MMAA: variants seen among roughly 807,000 people sequenced by gnomAD.
MMAA encodes metabolism of cobalamin associated A.
In MMAA, 41 loss-of-function variants were observed where a neutral mutation model predicts 45.0. That is an observed-to-expected ratio of 0.91 (90% CI 0.71 to 1.18). The LOEUF (loss-of-function observed/expected upper bound fraction) is 1.18, where lower values mean the gene tolerates loss of function less well. MMAA is among the 50% of genes most tolerant of loss of function. The pLI, the probability that MMAA is intolerant of heterozygous loss-of-function variation, is 0.00. For synonymous variants in MMAA, 154 were observed against 178.2 expected (o/e 0.86, Z 1.08); for missense variants, 460 against 495.7 (o/e 0.93, Z 0.68).
chr4:145,625,272 C>G, intron 1 of MMAA: 3 of 791,872 alleles, frequency 3.8e-6, no homozygotes, highest in Non-Finnish European at 6.7e-6. Context: ...TTTTCTAAGC[C>G]CTTTAGGTTT....
chr4:145,643,393 T>C (rs1727840579), intron 3 of MMAA, among the ~76,000 whole-genome samples: 1 of 152,150 alleles, frequency 6.6e-6, no homozygotes, highest in Non-Finnish European at 1.5e-5. Context: ...TACAATACAA[T>C]GTGTGTTGTG....
chr4:145,652,215 T>C (rs1048322159), intron 5 of MMAA, among the ~76,000 whole-genome samples: 6 of 152,174 alleles, frequency 3.9e-5, no homozygotes, highest in African/African-American at 1.4e-4. Flanking sequence ...TTGATGTGTA[T>C]CACCAACCAG....
intron 4 of MMAA, 100 bp from the exon 5 acceptor site, chr4:145,650,962 T>G: frequency 5.9e-6 from 6 of 1,009,920 alleles, no homozygotes; most frequent in African/African-American, 1.6e-5. Context: ...TGTGTGACCA[T>G]GAGTATGAGT....
intron 2 of MMAA, among the ~76,000 whole-genome samples, chr4:145,641,651 ATATC>A (rs1449302928): frequency 6.6e-6 from 1 of 152,166 alleles, no homozygotes; most frequent in African/African-American, 2.4e-5. Flanking sequence ...TACTATTACT[ATATC>A]TATTTTATTG....
Position 145,657,759 on chromosome 4 carries a change from C to T in MMAA, c.*2325C>T, listed in dbSNP as rs530499633. ...ACTTAATTTCTCTGTGCCTCAGTTT[C>T]CTCACTATTAAATGGGGATGACAAT... On this transcript the variant is annotated 3_prime_UTR_variant, in exon 7 of 7. Coordinates refer to ENST00000649156, the MANE Select transcript of MMAA (RefSeq NM_172250.3). 2.0e-5 allele frequency: 3 copies of T among 152,292 alleles called. No individual in the cohort carries two copies. In the East Asian group the frequency reaches 5.8e-4, roughly 29 times the overall value. The allele number at this position is 152,292 out of a possible 1,614,324, so 9.4% of individuals were successfully genotyped here.
In MMAA at chr4:145,656,888, A is replaced by T. The variant is rs1728247487; in HGVS notation, c.*1454A>T. The stretch of plus-strand genomic sequence containing the variant: ...TACATTTTTTGGAAAGATTTTTAGT[A>T]CTCCATTGGCATAGCTATTTCATAC... On this transcript the variant is annotated 3_prime_UTR_variant, in exon 7 of 7. Transcript: ENST00000649156. The T allele has an allele frequency of 6.6e-6, 1 of 152,148 alleles. No homozygotes were observed. The highest frequency in any genetic ancestry group is 1.5e-5 in the Non-Finnish European group (1 of 68,014). 9.4% of individuals were successfully genotyped at this position (152,148 alleles called of 1,614,324 possible).
intron 4 of MMAA, among the ~76,000 whole-genome samples, chr4:145,647,449 G>A (rs1328867049): frequency 1.3e-5 from 2 of 152,178 alleles, no homozygotes; most frequent in African/African-American, 4.8e-5. Context: ...CAGATCAACT[G>A]GGGAAAATAT....
intron 3 of MMAA, among the ~76,000 whole-genome samples, chr4:145,642,995 A>T (rs536691721): frequency 6.6e-6 from 1 of 152,242 alleles, no homozygotes; most frequent in South Asian, 2.1e-4. Flanking sequence ...ATATACTGCC[A>T]TTCCCCTTAC....
chr4:145,653,144 A>G (rs1057458210), intron 5 of MMAA, among the ~76,000 whole-genome samples: 1 of 152,158 alleles, frequency 6.6e-6, no homozygotes, highest in Non-Finnish European at 1.5e-5. Flanking sequence ...AAGTGCTGGG[A>G]TTACTGGTGT....
At position 145,624,971 on chromosome 4, in the gene MMAA, CAGTT is replaced by C. The variant is rs757215131; in HGVS notation, c.-66+5565_-66+5568del. The C allele has an allele frequency of 9.3e-5, 98 of 1,058,952 alleles. No homozygotes were observed. The East Asian group carries it at 1.8e-3, about 19-fold the overall frequency. 65.6% of individuals were successfully genotyped at this position (1,058,952 alleles called of 1,614,324 possible). ...CATACCTTTGGGCTGGTTTCCCTGA[CAGTT>C]GGTACAGGAGTCAGTCTTGACAAGC... On this transcript the variant is annotated intron_variant, in intron 1 of 6. Coordinates refer to ENST00000649156, the MANE Select transcript of MMAA (RefSeq NM_172250.3).
intron 1 of MMAA, among the ~76,000 whole-genome samples, chr4:145,626,633 A>G (rs72723808): frequency 0.077 from 11,756 of 152,282 alleles, 569 homozygotes; most frequent in South Asian, 0.15. Flanking sequence ...AGTTGACACC[A>G]TATAAATCTG....
chr4:145,631,804 T>C (rs763246032), intron 1 of MMAA, among the ~76,000 whole-genome samples: 3 of 152,180 alleles, frequency 2.0e-5, no homozygotes, highest in South Asian at 2.1e-4. Flanking sequence ...ATCTGTTGTA[T>C]GTTTTTTGGT....
chr4:145,653,797 A>G (rs1728157028), intron 5 of MMAA, among the ~76,000 whole-genome samples, 197 bp from the exon 6 acceptor site: 1 of 152,232 alleles, frequency 6.6e-6, no homozygotes, highest in Non-Finnish European at 1.5e-5. Context: ...TTTGGAAGAG[A>G]TATTACAGAT....
chr4:145,640,050 T>G (rs1247422057), intron 2 of MMAA, among the ~76,000 whole-genome samples: 1 of 152,164 alleles, frequency 6.6e-6, no homozygotes, highest in East Asian at 1.9e-4. Flanking sequence ...TTTCTCGGAG[T>G]GACTGTAAAC....
At chr4:145,650,306 T>G (rs1358447658) in intron 4 of MMAA, 1 of 152,272 alleles carries the variant, frequency 6.6e-6, no homozygotes, top group African/African-American at 2.4e-5. Flanking sequence ...TTCAGTCAAA[T>G]AGTTCTTATT....
chr4:145,627,129 G>T (rs941211640), intron 1 of MMAA, among the ~76,000 whole-genome samples: 2 of 152,188 alleles, frequency 1.3e-5, no homozygotes, highest in African/African-American at 4.8e-5. Context: ...GAGAAAGATT[G>T]CAATTAAATT....
chr4:145,634,380 T>C (rs1727549348), intron 1 of MMAA, among the ~76,000 whole-genome samples: 1 of 152,104 alleles, frequency 6.6e-6, no homozygotes, highest in Admixed American at 6.6e-5. Context: ...AGACTACTGC[T>C]GATGCTCCCT....
chr4:145,623,465 A>T (rs1362754727), intron 1 of MMAA, among the ~76,000 whole-genome samples: 1 of 152,206 alleles, frequency 6.6e-6, no homozygotes, highest in Admixed American at 6.5e-5. Flanking sequence ...AGCTCACTGG[A>T]TATTTTAATA....
At chr4:145,622,420 C>T (rs910200868) in intron 1 of MMAA, among the ~76,000 whole-genome samples, 1 of 152,064 alleles carries the variant, frequency 6.6e-6, no homozygotes, top group Non-Finnish European at 1.5e-5. Context: ...TTATCAGCAG[C>T]CTGAAATCAG....
Sources: allele counts gnomAD v4.1 joint callset (sites outside exome capture counted in the v4.1 genomes callset), GRCh38; gene constraint gnomAD v4.1.1; transcripts MANE v1.5; gene names NCBI Gene and HGNC (gene_info 2026-07-23, HGNC 2026-07-21).